MYO1D: variants seen among roughly 807,000 people sequenced by gnomAD.
The protein encoded by MYO1D is myosin ID.
Under a neutral mutation model 122.0 loss-of-function variants are expected in MYO1D, and 83 were observed. That is an observed-to-expected ratio of 0.68 (90% CI 0.57 to 0.82). The LOEUF (loss-of-function observed/expected upper bound fraction) is 0.82. MYO1D is among the 40% of genes least tolerant of loss of function. The probability of loss-of-function intolerance (pLI) is 0.00; values close to 1 mark genes in which losing one functional copy is unlikely to be tolerated. For missense variants in MYO1D, 1,157 were observed against 1,269.5 expected (o/e 0.91, Z 1.35); for synonymous variants, 464 against 446.9 (o/e 1.04, Z -0.48).
Position 32,760,338 on chromosome 17 carries a change from C to T in MYO1D, c.1248G>A (p.Leu416=). The T allele has an allele frequency of 6.2e-7, 1 of 1,612,748 alleles. No homozygotes were observed. Among genetic ancestry groups the T allele is most frequent in the Non-Finnish European group, 8.5e-7 (1 of 1,178,998 alleles). The change falls in exon 10 of 22, where the codon CTG becomes CTA. Residue 416 remains leucine (L), a synonymous_variant. Transcript: ENST00000318217. ...GCTGGTATTCCTCTTGTTCTTGCTT[C>T]AGAACCAGCTGAATAAATAGCTGCT... is the stretch of plus-strand genomic sequence containing the variant. ...KLQQLFIQLV[L]KQEQEEYQRE... is the part of the protein sequence containing the mutation.
intron 20 of MYO1D, among the ~76,000 whole-genome samples, chr17:32,624,798 T>TC (rs1567915775): frequency 1.3e-5 from 2 of 151,810 alleles, no homozygotes; most frequent in East Asian, 3.9e-4. Context: ...TTTTTTTTTT[T>TC]TTCTTCTTTG....
intron 7 of MYO1D, among the ~76,000 whole-genome samples, chr17:32,765,820 C>T (rs1413920387): frequency 6.6e-6 from 1 of 152,060 alleles, no homozygotes; most frequent in African/African-American, 2.4e-5. Flanking sequence ...AAGTAAGAAT[C>T]TAACTTTATT....
At chr17:32,537,003 G>A (rs1043480630) in intron 21 of MYO1D, among the ~76,000 whole-genome samples, 1 of 152,164 alleles carries the variant, frequency 6.6e-6, no homozygotes, top group South Asian at 2.1e-4. Flanking sequence ...GATGAAAGAC[G>A]TTTCTCTGTT....
intron 16 of MYO1D, among the ~76,000 whole-genome samples, chr17:32,679,060 T>C (rs1448822935): frequency 2.6e-5 from 4 of 151,802 alleles, no homozygotes; most frequent in Non-Finnish European, 5.9e-5. Context: ...ATGTCTTCTT[T>C]TGAGAAGTGT....
At chr17:32,796,153 T>C (rs1248731681) in intron 1 of MYO1D, among the ~76,000 whole-genome samples, 2 of 152,222 alleles carry the variant, frequency 1.3e-5, no homozygotes, top group South Asian at 2.1e-4. Context: ...AATATTTATA[T>C]ATTTATTCCT....
At position 32,757,604 on chromosome 17, in the gene MYO1D, C is replaced by T. The variant is rs16967625; in HGVS notation, c.1297-1942G>A. Among the ~76,000 whole-genome samples the T allele has an allele frequency of 3.8e-3, 574 of 152,194 alleles. 2 individuals carry two copies. The highest frequency in any genetic ancestry group is 0.013 in the African/African-American group (552 of 41,542). ...CCTAAAAATACTCAAAAAGCAGGAG[C>T]TCTATATTAATAGTTGACATCTTAG... On this transcript the variant is annotated intron_variant, in intron 10 of 21. Coordinates refer to ENST00000318217, the MANE Select transcript of MYO1D (RefSeq NM_015194.3).
chr17:32,783,089 C>T lies in MYO1D; in HGVS notation c.96-2305G>A, dbSNP rs186729489. ...TTAACCTGCAAATTTGCAGTACATG[C>T]TCAAGTATCTCCAAGGAAAAGAATC... On this transcript the variant is annotated intron_variant, in intron 1 of 21. Transcript: ENST00000318217. Among the ~76,000 whole-genome samples, 15 of 151,916 alleles carry T rather than the reference C, an allele frequency of 9.9e-5. No individual in the cohort carries two copies. The East Asian group carries it at 1.5e-3, about 16-fold the overall frequency.
At chr17:32,728,953 G>A (rs1312020660) in intron 14 of MYO1D, among the ~76,000 whole-genome samples, 1 of 152,134 alleles carries the variant, frequency 6.6e-6, no homozygotes, top group Non-Finnish European at 1.5e-5. Context: ...AAAAGTCTTT[G>A]GATAAGGAAT....
intron 16 of MYO1D, among the ~76,000 whole-genome samples, chr17:32,704,705 T>C (rs569194313): frequency 8.4e-4 from 128 of 152,284 alleles, no homozygotes; most frequent in African/African-American, 3.0e-3. Flanking sequence ...TGCACTGTAA[T>C]GAGACCTGTG....
intron 16 of MYO1D, among the ~76,000 whole-genome samples, chr17:32,681,174 C>T (rs538551012): frequency 2.6e-5 from 4 of 151,884 alleles, no homozygotes; most frequent in African/African-American, 9.7e-5. Context: ...AGTGGTCTAT[C>T]AATTTTGTTG....
intron 19 of MYO1D, among the ~76,000 whole-genome samples, chr17:32,640,896 A>G (rs2150940880): frequency 6.6e-6 from 1 of 151,550 alleles, no homozygotes; most frequent in South Asian, 2.1e-4. Flanking sequence ...ATGAATATAT[A>G]TTTTTTCCTT....
At chr17:32,799,054 A>G (rs916137436) in intron 1 of MYO1D, among the ~76,000 whole-genome samples, 1 of 152,214 alleles carries the variant, frequency 6.6e-6, no homozygotes, top group Admixed American at 6.5e-5. Flanking sequence ...GATTTGGATA[A>G]TCTACTACTT....
At chr17:32,561,686 C>T (rs1388285699) in intron 21 of MYO1D, among the ~76,000 whole-genome samples, 3 of 78,920 alleles carry the variant, frequency 3.8e-5, no homozygotes, top group Admixed American at 1.4e-4. Context: ...GAGGCTCTGT[C>T]TCAAAAAAAA....
At position 32,721,099 on chromosome 17, in the gene MYO1D, G is replaced by C. The variant is rs1423611421; in HGVS notation, c.1837C>G (p.Leu613Val). The change falls in exon 15 of 22, where the codon CTT (leucine) becomes GTT (valine). Residue 613 changes from leucine to valine, a missense_variant. Physicochemically the swap from Leu to Val is conservative, Grantham distance 32. Coordinates refer to ENST00000318217, the MANE Select transcript of MYO1D (RefSeq NM_015194.3). ...DERCRHQVEY[L>V]GLLENVRVRR... ...ACTCTCACATTTTCCAGTAGTCCAA[G>C]ATATTCTACTTGGTGCCGGCAGCGT... 1.2e-6 allele frequency: 2 copies of C among 1,613,922 alleles called. No homozygotes were observed. Among genetic ancestry groups the C allele is most frequent in the Non-Finnish European group, 1.7e-6 (2 of 1,179,996 alleles).
intron 1 of MYO1D, among the ~76,000 whole-genome samples, chr17:32,787,053 A>G (rs2090304015): frequency 6.6e-6 from 1 of 152,140 alleles, no homozygotes; most frequent in Non-Finnish European, 1.5e-5. Flanking sequence ...GATATCAAAG[A>G]AGGCATCATT....
At chr17:32,685,293 C>T (rs1011377790) in intron 16 of MYO1D, among the ~76,000 whole-genome samples, 2 of 152,150 alleles carry the variant, frequency 1.3e-5, no homozygotes, top group African/African-American at 2.4e-5. Context: ...CGTAAGGAAA[C>T]AACTCTTGGT....
At chr17:32,839,596 G>A (rs901631571) in intron 1 of MYO1D, among the ~76,000 whole-genome samples, 4 of 152,186 alleles carry the variant, frequency 2.6e-5, no homozygotes, top group African/African-American at 9.6e-5. Flanking sequence ...GGCAATTCCA[G>A]AGAAAGGCAG....
chr17:32,554,451 T>C (rs2087050391), intron 21 of MYO1D, among the ~76,000 whole-genome samples: 1 of 152,330 alleles, frequency 6.6e-6, no homozygotes, highest in Non-Finnish European at 1.5e-5. Context: ...TGATTAAAGA[T>C]GACAAATTAT....
chr17:32,756,192 A>G lies in MYO1D; in HGVS notation c.1297-530T>C, dbSNP rs1441412592. ...CATAACGATGGCTGCAGTTGCCACA[A>G]AGTGCCTCGTTTACCTTTAAATACT... On this transcript the variant is annotated intron_variant, in intron 10 of 21. Coordinates refer to ENST00000318217, the MANE Select transcript of MYO1D (RefSeq NM_015194.3). The G allele has an allele frequency of 1.3e-5, 3 of 226,026 alleles. No individual in the cohort carries two copies. In the East Asian group the frequency reaches 1.9e-4, roughly 14 times the overall value. 14.0% of individuals were successfully genotyped at this position (226,026 alleles called of 1,614,324 possible).
Sources: allele counts gnomAD v4.1 joint callset (sites outside exome capture counted in the v4.1 genomes callset), GRCh38; gene constraint gnomAD v4.1.1; transcripts MANE v1.5; gene names NCBI Gene and HGNC (gene_info 2026-07-23, HGNC 2026-07-21).